Variants in WDR11 observed in about 807,000 individuals in gnomAD.
WDR11 encodes WD repeat domain 11, also known as WD repeat-containing protein 11.
A neutral mutation model predicts 151.2 loss-of-function variants in WDR11; 83 were observed. The ratio of observed to expected loss-of-function variants is 0.55; its 90% CI spans 0.46 to 0.66. The LOEUF is 0.66. Among genes scored for constraint, WDR11 ranks in the 30% least tolerant of loss-of-function variants. The pLI is 0.00. For missense variants in WDR11, 1,301 were observed against 1,480.9 expected, an observed-to-expected ratio of 0.88 and a Z score of 1.99; for synonymous variants, 484 against 533.1, an observed-to-expected ratio of 0.91 and a Z score of 1.27.
At chr10:120,868,777 A>T (rs1365367631) in intron 9 of WDR11, 1 of 152,128 alleles carries the variant, frequency 6.6e-6, no homozygotes, top group African/African-American at 2.4e-5. Context: ...ACCATCATTC[A>T]TCTCTAGGCC....
chr10:120,904,598 G>T (rs183540068), intron 24 of WDR11, 48 bp from the exon 25 acceptor site: 2 of 1,609,946 alleles, frequency 1.2e-6, no homozygotes, highest in African/African-American at 2.7e-5. Context: ...AAAAAGTTAT[G>T]TTGGAGGAAA....
At chr10:120,890,406 G>A (rs1236050089) in intron 18 of WDR11, among the ~76,000 whole-genome samples, 1 of 152,068 alleles carries the variant, frequency 6.6e-6, no homozygotes, top group Non-Finnish European at 1.5e-5. Flanking sequence ...TAGAGACAGG[G>A]TTTCGCCATG....
At chr10:120,858,542 T>G in intron 2 of WDR11, 101 bp from the exon 3 acceptor site, 2 of 1,362,128 alleles carry the variant, frequency 1.5e-6, no homozygotes, top group Non-Finnish European at 2.1e-6. Flanking sequence ...AATGTTTATG[T>G]AATATAAATG....
At chr10:120,862,652 AT>A (rs1846181999) in intron 4 of WDR11, 82 bp from the exon 5 acceptor site, 6 of 1,344,548 alleles carry the variant, frequency 4.5e-6, no homozygotes, top group Non-Finnish European at 5.3e-6. Flanking sequence ...TTATCACTAT[AT>A]TGCTCTCAAA....
chr10:120,903,281 T>C (rs751061916), intron 23 of WDR11, 49 bp downstream of exon 23: 2 of 1,601,570 alleles, frequency 1.2e-6, no homozygotes, highest in Non-Finnish European at 1.7e-6. Flanking sequence ...TCTTGATTAC[T>C]TATATCTTTG....
At chr10:120,902,399 A>C in intron 22 of WDR11, 77 bp downstream of exon 22, 1 of 1,297,178 alleles carries the variant, frequency 7.7e-7, no homozygotes, top group East Asian at 2.3e-5. Flanking sequence ...TTTTAGTTAG[A>C]AACACTTAGA....
At chr10:120,861,246 C>T (rs367623283) in intron 4 of WDR11, among the ~76,000 whole-genome samples, 2 of 151,936 alleles carry the variant, frequency 1.3e-5, no homozygotes, top group Admixed American at 6.6e-5. Context: ...TGTGTCTGCA[C>T]GTGTTAAAGG....
intron 9 of WDR11, among the ~76,000 whole-genome samples, chr10:120,868,107 T>C (rs1271887106): frequency 2.0e-5 from 3 of 152,208 alleles, no homozygotes; most frequent in Non-Finnish European, 4.4e-5. Flanking sequence ...GAAAACGATA[T>C]TATTTAGGAG....
rs1274416098 is a variant in WDR11 at position 120,867,054 on chromosome 10, A to G, written c.1191-12A>G. On this transcript the variant is annotated splice_polypyrimidine_tract_variant and intron_variant, in intron 8 of 28. Coordinates refer to ENST00000263461, the MANE Select transcript of WDR11 (RefSeq NM_018117.12). ...AAGTATGTAAAACCTTCTAATTATT[A>G]TGTCTTTGCAGTAGTTCTGGTGTGT... 18 of 1,601,118 alleles carry G rather than the reference A, an allele frequency of 1.1e-5. No homozygotes were observed. Among genetic ancestry groups the G allele is most frequent in the Non-Finnish European group, 1.5e-5 (18 of 1,168,464 alleles).
chr10:120,857,659 A>G (rs1033022402), intron 2 of WDR11, among the ~76,000 whole-genome samples: 3 of 152,160 alleles, frequency 2.0e-5, no homozygotes, highest in African/African-American at 7.2e-5. Context: ...CATGAATACT[A>G]CTGCAATTGG....
intron 19 of WDR11, among the ~76,000 whole-genome samples, chr10:120,895,089 C>T (rs1165855698): frequency 6.6e-6 from 1 of 152,174 alleles, no homozygotes; most frequent in Non-Finnish European, 1.5e-5. Flanking sequence ...TGTAAACACT[C>T]GATGCTGCCT....
intron 11 of WDR11, among the ~76,000 whole-genome samples, chr10:120,874,186 T>TTTTG (rs1554854828): frequency 1.2e-4 from 12 of 96,924 alleles, no homozygotes; most frequent in Middle Eastern, 4.2e-3. Context: ...GTTTTTTTTT[T>TTTTG]TTTTTTGTTG....
At chr10:120,894,183 A>C (rs1017644402) in intron 19 of WDR11, among the ~76,000 whole-genome samples, 2 of 151,958 alleles carry the variant, frequency 1.3e-5, no homozygotes, top group Non-Finnish European at 2.9e-5. Context: ...ATCTTGAATG[A>C]ATTTTTGTAT....
chr10:120,883,924 G>A (rs1200471261), intron 14 of WDR11, 36 bp downstream of exon 14: 1 of 1,522,892 alleles, frequency 6.6e-7, no homozygotes, highest in Non-Finnish European at 9.1e-7. Context: ...AGCTTATTTA[G>A]GTATATATGT....
chr10:120,908,019 T>TAGATC, intron 28 of WDR11: 5 of 162,602 alleles, frequency 3.1e-5, no homozygotes, highest in South Asian at 3.3e-4. Flanking sequence ...AGGTGACTGG[T>TAGATC]TCAGTGTATG....
At chr10:120,899,428 A>G (rs536872964) in intron 19 of WDR11, among the ~76,000 whole-genome samples, 1 of 152,186 alleles carries the variant, frequency 6.6e-6, no homozygotes, top group East Asian at 1.9e-4. Context: ...GAATCATTGC[A>G]TTGAATCCTT....
intron 28 of WDR11, chr10:120,908,014 A>G (rs768032475): frequency 2.5e-5 from 4 of 160,480 alleles, no homozygotes; most frequent in Non-Finnish European, 5.5e-5. Context: ...TGGGAAGGTG[A>G]CTGGTTCAGT....
intron 16 of WDR11, among the ~76,000 whole-genome samples, chr10:120,888,435 A>G (rs1274737263): frequency 2.0e-5 from 3 of 152,210 alleles, no homozygotes; most frequent in Non-Finnish European, 2.9e-5. Context: ...ACCACCTCTG[A>G]GCATCTATTA....
In WDR11 at chr10:120,881,027, T is replaced by C. The variant is rs1398476128; in HGVS notation, c.1739+126T>C. The C allele has an allele frequency of 1.3e-5, 10 of 787,564 alleles. No individual in the cohort carries two copies. The Admixed American group carries it at 2.0e-4, about 16-fold the overall frequency. The allele number at this position is 787,564 out of a possible 1,614,324, so 48.8% of individuals were successfully genotyped here. A position where few individuals can be genotyped will look rare whatever the true frequency, so the allele number is the denominator to read the frequency against. On this transcript the variant is annotated intron_variant, in intron 13 of 28. Transcript: ENST00000263461. ...GAATCTTTTTAGTGATAGCAAATGGTGATATGCAGCCCAAAGAAAATATTT... is the reference window on the plus strand; with the variant it reads ...GAATCTTTTTAGTGATAGCAAATGGCGATATGCAGCCCAAAGAAAATATTT...
Sources: gnomAD v4.1 joint callset for allele counts (sites outside exome capture counted in the v4.1 genomes callset) on GRCh38, gnomAD v4.1.1 for gene constraint, MANE v1.5 for transcripts, NCBI Gene and HGNC (gene_info 2026-07-23, HGNC 2026-07-21) for gene names.